The following LGALS8 variants were observed in gnomAD, a reference collection of about 807,000 sequenced individuals.
LGALS8 encodes galectin 8, also known as galectin-8.
LGALS8 carries 30 observed loss-of-function variants against 35.9 expected under a neutral mutation model. That is an observed-to-expected ratio of 0.83 (90% CI 0.62 to 1.13). The LOEUF (loss-of-function observed/expected upper bound fraction) is 1.13, where lower values mean the gene tolerates loss of function less well. Among genes scored for constraint, LGALS8 ranks in the 50% most tolerant of loss-of-function variants. The probability of loss-of-function intolerance (pLI) is 0.00; values close to 1 mark genes in which losing one functional copy is unlikely to be tolerated. For synonymous variants in LGALS8, 138 were observed against 136.1 expected (o/e 1.01, Z -0.10); for missense variants, 366 against 388.7 (o/e 0.94, Z 0.49).
upstream of LGALS8, among the ~76,000 whole-genome samples, chr1:236,521,830 CAAA>C (rs35210291): frequency 7.0e-6 from 1 of 141,976 alleles, no homozygotes; most frequent in Non-Finnish European, 1.5e-5. Context: ...GAGACTGCCT[CAAA>C]AAAAAAAAAA....
In LGALS8 at chr1:236,526,203, T is replaced by C; in HGVS notation, c.45+88T>C. ...TATCCATTGGGAGACAGGGCAAGAA[T>C]AAAAGCCAGTGAACATATTTAAAGC... On this transcript the variant is annotated intron_variant, in intron 2 of 9. Coordinates refer to ENST00000366584, the MANE Select transcript of LGALS8 (RefSeq NM_201544.4). The surrounding 1 kb of genome is among the most constrained non-coding windows in gnomAD (Gnocchi z 4.6). 1 of 975,330 alleles carries C rather than the reference T, an allele frequency of 1.0e-6. No homozygotes were observed. The highest frequency in any genetic ancestry group is 1.6e-6 in the Non-Finnish European group (1 of 624,496). 60.4% of individuals were successfully genotyped at this position (975,330 alleles called of 1,614,324 possible).
In LGALS8 at chr1:236,552,027, G is replaced by A. The variant is rs1365013319; in HGVS notation, c.*3866G>A. ...CCATCAACTCTGCTAAGAAAGGAAT[G>A]GATTCTGGTAGCAAGACAATATAAT... On this transcript the variant is annotated 3_prime_UTR_variant, in exon 10 of 10. Transcript: ENST00000366584. 1 of 1,611,616 alleles carries A rather than the reference G, an allele frequency of 6.2e-7. No individual in the cohort carries two copies. Among genetic ancestry groups the A allele is most frequent in the Admixed American group, 1.7e-5 (1 of 59,984 alleles).
intron 7 of LGALS8, chr1:236,543,128 C>A: frequency 8.6e-7 from 1 of 1,161,770 alleles, no homozygotes; most frequent in Non-Finnish European, 1.3e-6. Flanking sequence ...CAATAGAGGC[C>A]CAAAGCAGCC....
intron 2 of LGALS8, among the ~76,000 whole-genome samples, chr1:236,535,749 C>T (rs2103084119): frequency 6.6e-6 from 1 of 152,318 alleles, no homozygotes; most frequent in Admixed American, 6.5e-5. Context: ...TCCCACCCTG[C>T]TCCTAGCAAT....
chr1:236,540,673 G>C lies in LGALS8; in HGVS notation c.455G>C (p.Ser152Thr). 1 of 1,608,286 alleles carries C rather than the reference G, an allele frequency of 6.2e-7. No individual in the cohort carries two copies. Among genetic ancestry groups the C allele is most frequent in the Non-Finnish European group, 8.5e-7 (1 of 1,177,616 alleles). ...GTGAATATTCACTCAATTGGTTTTA[G>C]CTTCAGCTCGGTGAGTGACCTTCCA... ...GKVNIHSIGF[S>T]FSSDLQSTQA... Residue 152 changes from serine to threonine, a missense_variant, in exon 5 of 10, where the codon AGC (serine) becomes ACC (threonine). Coordinates refer to ENST00000366584, the MANE Select transcript of LGALS8 (RefSeq NM_201544.4).
upstream of LGALS8, among the ~76,000 whole-genome samples, chr1:236,522,130 G>A (rs1660569469): frequency 6.6e-6 from 1 of 152,092 alleles, no homozygotes; most frequent in African/African-American, 2.4e-5. Flanking sequence ...GCCAAATGAG[G>A]GAGATATTTC....
At chr1:236,542,332 A>T (rs1662054335) in intron 6 of LGALS8, 1 of 193,746 alleles carries the variant, frequency 5.2e-6, no homozygotes, top group South Asian at 1.0e-4. Flanking sequence ...AAATTAAAAA[A>T]TTATCTGGGC....
chr1:236,542,368 G>T (rs760359118), intron 6 of LGALS8: 40 of 228,798 alleles, frequency 1.7e-4, no homozygotes, highest in Non-Finnish European at 3.2e-4. Flanking sequence ...TGTGATCCCA[G>T]CTTTGGGTGG....
Position 236,550,917 on chromosome 1 carries a change from G to C in LGALS8, c.*2756G>C, listed in dbSNP as rs779462252. On this transcript the variant is annotated 3_prime_UTR_variant, in exon 10 of 10. Transcript: ENST00000366584. ...ACAGAAAGTCTTAGAAATAGCTCTG[G>C]AGTGGCTCTCCCAGGACAGTTTCCA... 1.2e-6 allele frequency: 2 copies of C among 1,606,136 alleles called. No homozygotes were observed. Among genetic ancestry groups the C allele is most frequent in the Non-Finnish European group, 1.7e-6 (2 of 1,177,176 alleles).
intron 3 of LGALS8, among the ~76,000 whole-genome samples, chr1:236,538,109 A>G (rs1377281718): frequency 2.0e-5 from 3 of 150,834 alleles, no homozygotes; most frequent in Non-Finnish European, 4.4e-5. Context: ...GAAAAAGAAA[A>G]AGAATTAGGT....
Position 236,543,177 on chromosome 1 carries a change from A to T in LGALS8, c.550-383A>T, listed in dbSNP as rs1404670049. 7.9e-6 allele frequency: 6 copies of T among 757,052 alleles called. No individual in the cohort carries two copies. In the East Asian group the frequency reaches 1.3e-4, roughly 17 times the overall value. 46.9% of individuals were successfully genotyped at this position (757,052 alleles called of 1,614,324 possible). ...TGTGCCGTCCCTGGACGGATTCGAG[A>T]GTCAACCAGGCCTGCCTCTGAGCCA... is the stretch of plus-strand genomic sequence containing the variant. On this transcript the variant is annotated intron_variant, in intron 7 of 9. Transcript: ENST00000366584.
In LGALS8 at chr1:236,548,236, C is replaced by G; in HGVS notation, c.*75C>G. 1.6e-6 allele frequency: 2 copies of G among 1,268,942 alleles called. No individual in the cohort carries two copies. The highest frequency in any genetic ancestry group is 2.2e-6 in the Non-Finnish European group (2 of 896,486). 78.6% of individuals were successfully genotyped at this position (1,268,942 alleles called of 1,614,324 possible). ...ATACTGGCCTTGCTGAAACGCATCT[C>G]ACTGTCATTCTATTGTTTATATTGT... On this transcript the variant is annotated 3_prime_UTR_variant, in exon 10 of 10. Coordinates refer to ENST00000366584, the MANE Select transcript of LGALS8 (RefSeq NM_201544.4).
At chr1:236,543,457 A>C (rs780597503) in intron 7 of LGALS8, 103 bp from the exon 8 acceptor site, 1 of 883,048 alleles carries the variant, frequency 1.1e-6, no homozygotes, top group South Asian at 1.4e-5. Flanking sequence ...TGGGATTTAC[A>C]GGGTCATGGC....
upstream of LGALS8, chr1:236,523,963 C>T (rs1660647898): frequency 5.3e-6 from 2 of 379,300 alleles, no homozygotes; most frequent in South Asian, 3.8e-5. Flanking sequence ...CCTGTCGCTT[C>T]CCGTAGCCGC....
intron 3 of LGALS8, among the ~76,000 whole-genome samples, chr1:236,538,286 T>C (rs1382034265): frequency 6.6e-6 from 1 of 152,110 alleles, no homozygotes; most frequent in Non-Finnish European, 1.5e-5. Context: ...ACCTAACACC[T>C]GAAGAGCAGT....
At chr1:236,534,027 T>C (rs74151921) in intron 2 of LGALS8, among the ~76,000 whole-genome samples, 211 of 152,278 alleles carry the variant, frequency 1.4e-3, no homozygotes, top group African/African-American at 4.9e-3. Context: ...AACCCAGATA[T>C]AGCGGCTGCC....
chr1:236,550,916 G>C lies in LGALS8; in HGVS notation c.*2755G>C. ...CACAGAAAGTCTTAGAAATAGCTCT[G>C]GAGTGGCTCTCCCAGGACAGTTTCC... On this transcript the variant is annotated 3_prime_UTR_variant, in exon 10 of 10. Coordinates refer to ENST00000366584, the MANE Select transcript of LGALS8 (RefSeq NM_201544.4). 1 of 1,605,972 alleles carries C rather than the reference G, an allele frequency of 6.2e-7. No individual in the cohort carries two copies. The highest frequency in any genetic ancestry group is 8.5e-7 in the Non-Finnish European group (1 of 1,176,954).
rs569772981 is a variant in LGALS8, at chr1:236,524,076, C to T, written c.-104+15C>T. The T allele has an allele frequency of 4.6e-5, 21 of 455,368 alleles. No individual in the cohort carries two copies. The highest frequency in any genetic ancestry group is 3.6e-4 in the African/African-American group (18 of 50,192). 28.2% of individuals were successfully genotyped at this position (455,368 alleles called of 1,614,324 possible). ...CCAGTCTTTGGGTGAGTCGCGCGAC[C>T]CCCGGCCTCGGGTGGCGGGGCAGTC... On this transcript the variant is annotated intron_variant, in intron 1 of 9. Transcript: ENST00000366584.
intron 9 of LGALS8, among the ~76,000 whole-genome samples, chr1:236,546,946 AGTGCAGGACTT>A (rs1476657172): frequency 1.3e-5 from 2 of 152,196 alleles, no homozygotes; most frequent in African/African-American, 4.8e-5. Context: ...CTGTTATCAG[AGTGCAGGACTT>A]GGGCTGAAAT....
Sources: allele counts gnomAD v4.1 joint callset (sites outside exome capture counted in the v4.1 genomes callset), GRCh38; gene constraint gnomAD v4.1.1; non-coding constraint Gnocchi (gnomAD v3.1); transcripts MANE v1.5; gene names NCBI Gene and HGNC (gene_info 2026-07-23, HGNC 2026-07-21).